The following MS4A13 variants were observed in gnomAD, a reference collection of about 807,000 sequenced individuals.
MS4A13 encodes the protein membrane spanning 4-domains A13.
In MS4A13, 21 loss-of-function variants were observed where a neutral mutation model predicts 18.4. That is an observed-to-expected ratio of 1.14 (90% CI 0.81 to 1.64). The LOEUF is 1.64. MS4A13 is among the 40% of genes most tolerant of loss of function. The probability of loss-of-function intolerance (pLI) is 0.00; values close to 1 mark genes in which losing one functional copy is unlikely to be tolerated. For synonymous variants in MS4A13, 62 were observed against 57.2 expected, an observed-to-expected ratio of 1.08 and a Z score of -0.38; for missense variants, 173 against 176.8, an observed-to-expected ratio of 0.98 and a Z score of 0.12.
intron 5 of MS4A13, among the ~76,000 whole-genome samples, chr11:60,527,900 T>C (rs2086732206): frequency 6.6e-6 from 1 of 152,140 alleles, no homozygotes; most frequent in Non-Finnish European, 1.5e-5. Context: ...TTTCACAGTC[T>C]TGTCAGCTAA....
At chr11:60,537,982 T>A (rs1419480931) in intron 6 of MS4A13, among the ~76,000 whole-genome samples, 3 of 117,344 alleles carry the variant, frequency 2.6e-5, no homozygotes, top group African/African-American at 3.4e-5. Context: ...AACAATGAGA[T>A]CACATGGACA....
intron 5 of MS4A13, among the ~76,000 whole-genome samples, chr11:60,526,493 A>G (rs972041487): frequency 2.6e-5 from 4 of 152,312 alleles, no homozygotes; most frequent in Middle Eastern, 3.4e-3. Flanking sequence ...TGTAGTCTGT[A>G]TTTATCTGAT....
At chr11:60,539,870 A>G (rs1432837536) in intron 6 of MS4A13, among the ~76,000 whole-genome samples, 1 of 150,852 alleles carries the variant, frequency 6.6e-6, no homozygotes, top group Non-Finnish European at 1.5e-5. Context: ...CTATCCCTCA[A>G]AAATGAAGGT....
chr11:60,528,520 G>A (rs2086736688), intron 5 of MS4A13, among the ~76,000 whole-genome samples: 1 of 152,148 alleles, frequency 6.6e-6, no homozygotes, highest in African/African-American at 2.4e-5. Context: ...AGGAAGTTAT[G>A]TGTCATTGCA....
At chr11:60,525,535 G>A (rs2086708013) in intron 5 of MS4A13, among the ~76,000 whole-genome samples, 1 of 152,140 alleles carries the variant, frequency 6.6e-6, no homozygotes, top group Non-Finnish European at 1.5e-5. Context: ...TTCTTGACTT[G>A]CTGAATTAAA....
chr11:60,541,799 T>G (rs2086860974), intron 6 of MS4A13, among the ~76,000 whole-genome samples: 1 of 151,682 alleles, frequency 6.6e-6, no homozygotes. Context: ...CCAACAGAAA[T>G]TAAGAAAGTA....
Position 60,518,146 on chromosome 11 carries a change from T to C in MS4A13, c.63T>C (p.Ile21=). ...YFLLVLYMGQ[I]KGAFGTYEPV... ...TATTGGTTTTGTATATGGGACAAAT[T>C]AAAGGAGCCTTTGGAACGTATGAAC... is the stretch of plus-strand genomic sequence containing the variant. The change falls in exon 3 of 7, where the codon ATT becomes ATC. Residue 21 remains isoleucine (I), a synonymous_variant. Transcript: ENST00000378186. 1 of 1,612,052 alleles carries C rather than the reference T, an allele frequency of 6.2e-7. No individual in the cohort carries two copies. Among genetic ancestry groups the C allele is most frequent in the Non-Finnish European group, 8.5e-7 (1 of 1,178,546 alleles).
chr11:60,515,860 C>T (rs1009352913), intron 1 of MS4A13, 109 bp from the exon 2 acceptor site: 1 of 152,110 alleles, frequency 6.6e-6, no homozygotes, highest in Non-Finnish European at 1.5e-5. Context: ...AGAAAGAAGG[C>T]TATTGCTTCT....
At chr11:60,541,484 T>A (rs10897085) in intron 6 of MS4A13, among the ~76,000 whole-genome samples, 1 of 152,040 alleles carries the variant, frequency 6.6e-6, no homozygotes, top group East Asian at 1.9e-4. Flanking sequence ...ACAAATAAAA[T>A]GTTGAGTATA....
At chr11:60,532,763 A>G (rs1438441324) in intron 6 of MS4A13, among the ~76,000 whole-genome samples, 2 of 127,586 alleles carry the variant, frequency 1.6e-5, no homozygotes, top group African/African-American at 6.0e-5. Context: ...TGCAGACTTA[A>G]GTGTCCCTGT....
chr11:60,528,845 A>C (rs1267702832), intron 5 of MS4A13, among the ~76,000 whole-genome samples: 1 of 152,224 alleles, frequency 6.6e-6, no homozygotes, highest in African/African-American at 2.4e-5. Flanking sequence ...CTTCCAAGTT[A>C]AATGTTCTTT....
At chr11:60,532,032 A>T (rs992414334) in intron 6 of MS4A13, among the ~76,000 whole-genome samples, 4 of 152,214 alleles carry the variant, frequency 2.6e-5, no homozygotes, top group Non-Finnish European at 4.4e-5. Context: ...TCAACAACAA[A>T]AAGTATGCAA....
chr11:60,520,490 A>G (rs889916306), intron 3 of MS4A13, among the ~76,000 whole-genome samples: 4 of 152,208 alleles, frequency 2.6e-5, no homozygotes, highest in Non-Finnish European at 5.9e-5. Context: ...GCTGTTCCAA[A>G]TGCGAGAAAT....
rs1033653512 is a variant in MS4A13 at position 60,523,749 on chromosome 11, T to C, written c.130-148T>C. The C allele has an allele frequency of 7.1e-6, 4 of 562,216 alleles. No homozygotes were observed. The African/African-American group carries it at 7.6e-5, about 11-fold the overall frequency. 34.8% of individuals were successfully genotyped at this position (562,216 alleles called of 1,614,324 possible). Reference sequence around the variant, plus strand: ...TCAATGTATTACTACATGATGTAAATTTGTCCTGACCCATCTACTAAAACT... The same window carrying C: ...TCAATGTATTACTACATGATGTAAACTTGTCCTGACCCATCTACTAAAACT... On this transcript the variant is annotated intron_variant, in intron 3 of 6. Coordinates refer to ENST00000378186, the MANE Select transcript of MS4A13 (RefSeq NM_001012417.3).
chr11:60,520,678 C>A (rs1349712835), intron 3 of MS4A13, among the ~76,000 whole-genome samples: 2 of 152,210 alleles, frequency 1.3e-5, no homozygotes, highest in African/African-American at 2.4e-5. Context: ...CATGGTGTAG[C>A]CCTGATCTGG....
chr11:60,522,246 AT>A (rs2086681745), intron 3 of MS4A13, among the ~76,000 whole-genome samples: 4 of 143,716 alleles, frequency 2.8e-5, no homozygotes, highest in Admixed American at 2.8e-4. Flanking sequence ...ATAGATGTAT[AT>A]ATATAGATAT....
chr11:60,541,338 A>G (rs940470115), intron 6 of MS4A13, among the ~76,000 whole-genome samples: 4 of 152,254 alleles, frequency 2.6e-5, no homozygotes, highest in Non-Finnish European at 4.4e-5. Flanking sequence ...AGAGAGCAGT[A>G]TTATTCATAG....
rs1345029215 is a variant in MS4A13, at chr11:60,529,450, G to A, written c.392G>A (p.Cys131Tyr). 1 of 1,592,084 alleles carries A rather than the reference G, an allele frequency of 6.3e-7. No individual in the cohort carries two copies. The highest frequency in any genetic ancestry group is 8.6e-7 in the Non-Finnish European group (1 of 1,168,720). ...SIALTHSIYSCSNLFRRQNDL... is the reference protein window; with the variant it reads ...SIALTHSIYSYSNLFRRQNDL... The stretch of plus-strand genomic sequence containing the variant: ...GCACTTACACACTCAATATACAGCT[G>A]TTCCAATTTGGTAAGTGTTTACCCA... Residue 131 changes from cysteine to tyrosine, a missense_variant, in exon 6 of 7, where the codon TGT becomes TAT. Cys to Tyr is a radical substitution (Grantham distance 194). Transcript: ENST00000378186.
chr11:60,516,626 A>G (rs1366614513), intron 2 of MS4A13, among the ~76,000 whole-genome samples: 1 of 152,140 alleles, frequency 6.6e-6, no homozygotes, highest in Non-Finnish European at 1.5e-5. Flanking sequence ...AAAACTCTGA[A>G]TCTTCTTTCC....
Sources: gnomAD v4.1 joint callset for allele counts (sites outside exome capture counted in the v4.1 genomes callset) on GRCh38, gnomAD v4.1.1 for gene constraint, MANE v1.5 for transcripts, NCBI Gene and HGNC (gene_info 2026-07-23, HGNC 2026-07-21) for gene names.